Variants in PLA2G6 observed in about 807,000 individuals in gnomAD.
PLA2G6 encodes 85/88 kDa calcium-independent phospholipase A2.
In PLA2G6, 62 loss-of-function variants were observed where a neutral mutation model predicts 83.8. That is an observed-to-expected ratio of 0.74 (90% CI 0.60 to 0.91). The LOEUF is 0.91. Among genes scored for constraint, PLA2G6 ranks in the 40% least tolerant of loss-of-function variants. The pLI is 0.00. For synonymous variants in PLA2G6, 417 were observed against 449.8 expected (o/e 0.93, Z 0.92); for missense variants, 944 against 1,102.0 (o/e 0.86, Z 2.03).
At chr22:38,115,916 C>G (rs922289885) in intron 13 of PLA2G6, 159 bp downstream of exon 13, 19 of 1,452,942 alleles carry the variant, frequency 1.3e-5, no homozygotes, top group Non-Finnish European at 1.8e-5. Flanking sequence ...GGCCTGACAG[C>G]TCCCCCGCAA....
chr22:38,112,905 C>T (rs148117890), intron 15 of PLA2G6: 21 of 421,690 alleles, frequency 5.0e-5, no homozygotes, highest in Middle Eastern at 6.6e-4. Flanking sequence ...CTCTCTCTCT[C>T]TCTTTCTTTC....
In PLA2G6 at chr22:38,123,561, G is replaced by A. The variant is rs1273640151; in HGVS notation, c.1428-303C>T. 6.6e-6 allele frequency among the ~76,000 whole-genome samples: 1 copy of A among 152,128 alleles called. No individual in the cohort carries two copies. The highest frequency in any genetic ancestry group is 2.4e-5 in the African/African-American group (1 of 41,428). ...CCAGTCTCCCCAACTTGGGACACCT[G>A]ATTTTGGTCAGTATCAGGCCTGATC... On this transcript the variant is annotated intron_variant, in intron 10 of 16. Transcript: ENST00000332509. The surrounding 1 kb of genome is among the most constrained non-coding windows in gnomAD (Gnocchi z 4.1).
intron 1 of PLA2G6, among the ~76,000 whole-genome samples, chr22:38,181,204 G>C (rs891830949): frequency 1.2e-4 from 19 of 152,136 alleles, no homozygotes; most frequent in African/African-American, 4.6e-4. Context: ...GGGTGGCCAG[G>C]CTGAGGGGAA....
intron 1 of PLA2G6, 137 bp from the exon 2 acceptor site, chr22:38,169,608 TA>T: frequency 1.6e-6 from 1 of 640,222 alleles, no homozygotes; most frequent in South Asian, 1.7e-5. Context: ...GGAGGGATCT[TA>T]AAAGGAGGGG....
At chr22:38,127,664 A>G (rs1474328879) in intron 9 of PLA2G6, among the ~76,000 whole-genome samples, 1 of 151,900 alleles carries the variant, frequency 6.6e-6, no homozygotes, top group Non-Finnish European at 1.5e-5. Flanking sequence ...TGTTCAGGGG[A>G]CCCCGCTCCC....
intron 12 of PLA2G6, among the ~76,000 whole-genome samples, chr22:38,119,127 C>G (rs2087377706): frequency 6.6e-6 from 1 of 152,256 alleles, no homozygotes; most frequent in South Asian, 2.1e-4. Context: ...CTCTCTACTG[C>G]CCCCAAGAAT....
rs757733756 is a variant in PLA2G6 at position 38,135,032 on chromosome 22, G to A, written c.850C>T (p.Pro284Ser). Reference sequence around the variant, plus strand: ...TGGAGGGGGCTGGCTCCGTAACGGGGGTCTTTGCTGTGGATCTGGCTGCTG... The same window carrying A: ...TGGAGGGGGCTGGCTCCGTAACGGGAGTCTTTGCTGTGGATCTGGCTGCTG... ...MDSSQIHSKD[P>S]RYGASPLHWA... The change falls in exon 6 of 17, where the codon CCC becomes TCC. Residue 284 changes from proline (P) to serine (S), a missense_variant. Pro to Ser is a moderately conservative substitution (Grantham distance 74). Coordinates refer to ENST00000332509, the MANE Select transcript of PLA2G6 (RefSeq NM_003560.4). 1.9e-6 allele frequency: 3 copies of A among 1,613,910 alleles called. No homozygotes were observed. Among genetic ancestry groups the A allele is most frequent in the East Asian group, 2.2e-5 (1 of 44,884 alleles).
At chr22:38,175,481 C>T (rs145468672) in intron 1 of PLA2G6, among the ~76,000 whole-genome samples, 284 of 152,268 alleles carry the variant, frequency 1.9e-3, no homozygotes, top group Middle Eastern at 6.8e-3. Flanking sequence ...CCAGCCACGC[C>T]GCACCATCGA....
intron 2 of PLA2G6, among the ~76,000 whole-genome samples, chr22:38,151,234 A>C (rs578029740): frequency 6.6e-6 from 1 of 152,236 alleles, no homozygotes; most frequent in East Asian, 1.9e-4. Context: ...GAAATACAAA[A>C]GCTTTTTCTT....
chr22:38,153,036 G>A (rs1439849056), intron 2 of PLA2G6, among the ~76,000 whole-genome samples: 2 of 152,178 alleles, frequency 1.3e-5, no homozygotes, highest in Non-Finnish European at 2.9e-5. Flanking sequence ...ATAAAGGAGG[G>A]TGAAGGAAAT....
chr22:38,166,879 T>C (rs2090235272), intron 2 of PLA2G6, among the ~76,000 whole-genome samples: 1 of 152,194 alleles, frequency 6.6e-6, no homozygotes, highest in Non-Finnish European at 1.5e-5. Context: ...TATTTTCTCA[T>C]GCATAAAATG....
chr22:38,126,953 G>C, intron 9 of PLA2G6: 1 of 1,017,828 alleles, frequency 9.8e-7, no homozygotes, highest in Non-Finnish European at 1.2e-6. Context: ...ATGGATGAAA[G>C]GAGACATCCC....
chr22:38,168,188 C>T (rs1209075148), intron 2 of PLA2G6: 2 of 154,304 alleles, frequency 1.3e-5, no homozygotes, highest in Non-Finnish European at 2.9e-5. Flanking sequence ...TGTTTGTCAT[C>T]TCACAGGCCA....
chr22:38,115,232 T>C (rs1205001376), intron 14 of PLA2G6, among the ~76,000 whole-genome samples: 2 of 152,138 alleles, frequency 1.3e-5, no homozygotes, highest in Admixed American at 6.5e-5. Flanking sequence ...AGGGCAAGCA[T>C]GTGTCCTGTC....
At chr22:38,126,565 C>G in intron 9 of PLA2G6, 116 bp from the exon 10 acceptor site, 1 of 734,430 alleles carries the variant, frequency 1.4e-6, no homozygotes, top group Non-Finnish European at 2.4e-6. Context: ...CCCTCATCCC[C>G]CCACTCCCCC....
rs150718378 is a variant in PLA2G6, at chr22:38,169,256, G to A, written c.171C>T (p.Cys57=). The part of the protein sequence containing the change: ...FQNTPNRTWD[C]VLVNPRNSQS... ...GTGAGTTCCTGGGGTTGACCAGGAC[G>A]CAGTCCCAGGTGCGGTTGGGAGTGT... Residue 57 remains cysteine, a synonymous_variant, in exon 2 of 17, where the codon TGC becomes TGT. Coordinates refer to ENST00000332509, the MANE Select transcript of PLA2G6 (RefSeq NM_003560.4). 1.1e-4 allele frequency: 173 copies of A among 1,614,054 alleles called. No homozygotes were observed. The highest frequency in any genetic ancestry group is 4.9e-4 in the Middle Eastern group (3 of 6,062).
At position 38,177,533 on chromosome 22, in the gene PLA2G6, G is replaced by A. The variant is rs529475562; in HGVS notation, c.-46+4131C>T. Among the ~76,000 whole-genome samples, 8 of 149,744 alleles carry A rather than the reference G, an allele frequency of 5.3e-5. No homozygotes were observed. The South Asian group carries it at 1.7e-3, about 32-fold the overall frequency. On this transcript the variant is annotated intron_variant, in intron 1 of 16. Transcript: ENST00000332509. ...GCTGGAGTGCAATGGCGTGATCTTG[G>A]CTCACTGCAACCTCTGCCTCCCGGG...
chr22:38,181,155 A>G (rs1602312535), intron 1 of PLA2G6, among the ~76,000 whole-genome samples: 1 of 151,948 alleles, frequency 6.6e-6, no homozygotes, highest in African/African-American at 2.4e-5. Flanking sequence ...CATCTGTGGG[A>G]GCAGGAGGTG....
intron 1 of PLA2G6, among the ~76,000 whole-genome samples, chr22:38,172,953 T>C (rs375355074): frequency 6.6e-4 from 100 of 152,288 alleles, no homozygotes; most frequent in Admixed American, 3.6e-3. Flanking sequence ...GAGGACGAGA[T>C]GACGCAATGG....
Sources: allele counts gnomAD v4.1 joint callset (sites outside exome capture counted in the v4.1 genomes callset), GRCh38; gene constraint gnomAD v4.1.1; non-coding constraint Gnocchi (gnomAD v3.1); transcripts MANE v1.5; gene names NCBI Gene and HGNC (gene_info 2026-07-23, HGNC 2026-07-21).